PRKCQ: variants seen among roughly 807,000 people sequenced by gnomAD.
The protein encoded by PRKCQ is protein kinase C theta.
Under a neutral mutation model 91.2 loss-of-function variants are expected in PRKCQ, and 41 were observed. That is an observed-to-expected ratio of 0.45 (90% CI 0.35 to 0.58). The LOEUF (loss-of-function observed/expected upper bound fraction) is 0.58, where lower values mean the gene tolerates loss of function less well. Among genes scored for constraint, PRKCQ ranks in the 20% least tolerant of loss-of-function variants. The pLI is 0.00. For synonymous variants in PRKCQ, 307 were observed against 316.9 expected (o/e 0.97, Z 0.33); for missense variants, 673 against 896.5 (o/e 0.75, Z 3.18).
At chr10:6,460,580 C>T (rs1835267310) in intron 14 of PRKCQ, among the ~76,000 whole-genome samples, 1 of 152,060 alleles carries the variant, frequency 6.6e-6, no homozygotes, top group Non-Finnish European at 1.5e-5. Context: ...CAACCTCCGC[C>T]TAACAGGTTC....
At chr10:6,466,957 C>T (rs1835685995) in intron 12 of PRKCQ, among the ~76,000 whole-genome samples, 1 of 152,132 alleles carries the variant, frequency 6.6e-6, no homozygotes, top group African/African-American at 2.4e-5. Context: ...CTTAACCTCT[C>T]CTGAGCTTCA....
chr10:6,553,676 C>T (rs1840297064), intron 1 of PRKCQ, among the ~76,000 whole-genome samples: 1 of 151,938 alleles, frequency 6.6e-6, no homozygotes, highest in African/African-American at 2.4e-5. Flanking sequence ...GTAGATACCT[C>T]CTTGGGAACA....
chr10:6,543,313 G>A (rs1480952655), intron 1 of PRKCQ, among the ~76,000 whole-genome samples: 2 of 152,238 alleles, frequency 1.3e-5, no homozygotes, highest in African/African-American at 4.8e-5. Flanking sequence ...TGGCGGAGCA[G>A]CACAGGCTTC....
In PRKCQ at chr10:6,576,496, A is replaced by G. The variant is rs1841242032; in HGVS notation, c.-10+3715T>C. 1.3e-5 allele frequency among the ~76,000 whole-genome samples: 2 copies of G among 152,224 alleles called. No individual in the cohort carries two copies. The highest frequency in any genetic ancestry group is 4.1e-4 in the South Asian group (2 of 4,828). ...CTTCTGTGAGGTCCCTAGAGCAGTC[A>G]GAATCTTAGAGACAGGAAGTAGAAG... On this transcript the variant is annotated intron_variant, in intron 1 of 17. Transcript: ENST00000263125. This position sits in a 1 kb window ranked among gnomAD's most constrained non-coding sequence, Gnocchi z 4.2.
chr10:6,419,475 C>T, the PRKCQ span, among the ~76,000 whole-genome samples: 1 of 152,134 alleles, frequency 6.6e-6, no homozygotes, highest in South Asian at 2.1e-4. Flanking sequence ...CTCCATGCTC[C>T]CCCATTCTCT....
the PRKCQ span, among the ~76,000 whole-genome samples, chr10:6,413,110 G>A: frequency 1.3e-5 from 2 of 151,920 alleles, no homozygotes; most frequent in African/African-American, 2.4e-5. Flanking sequence ...CCGCCACCAC[G>A]CCCGGCTAAT....
chr10:6,511,547 G>C (rs138250446), intron 2 of PRKCQ, among the ~76,000 whole-genome samples: 89 of 152,310 alleles, frequency 5.8e-4, no homozygotes, highest in African/African-American at 2.0e-3. Context: ...AAGGAAGAAG[G>C]CTTTAGTTGG....
At chr10:6,523,812 G>A (rs908735083) in intron 1 of PRKCQ, among the ~76,000 whole-genome samples, 2 of 152,334 alleles carry the variant, frequency 1.3e-5, no homozygotes, top group African/African-American at 4.8e-5. Context: ...CTGTCCCAGT[G>A]TTTGTTGAGT....
chr10:6,440,622 A>G (rs944053363), intron 16 of PRKCQ, among the ~76,000 whole-genome samples: 12 of 152,230 alleles, frequency 7.9e-5, no homozygotes, highest in African/African-American at 2.7e-4. Context: ...TGTCTCCTCC[A>G]GTAGTGAGCA....
intron 1 of PRKCQ, among the ~76,000 whole-genome samples, chr10:6,516,477 G>T (rs1241659832): frequency 6.6e-6 from 1 of 152,138 alleles, no homozygotes. Context: ...GGCGCCCTTT[G>T]CCCTGTGAGT....
At chr10:6,410,079 T>TG in the PRKCQ span, among the ~76,000 whole-genome samples, 2 of 152,112 alleles carry the variant, frequency 1.3e-5, no homozygotes, top group Non-Finnish European at 2.9e-5. Flanking sequence ...GGCTACTCAC[T>TG]GCTCAACGAA....
chr10:6,497,291 T>C lies in PRKCQ; in HGVS notation c.543-40A>G. 1 of 1,612,138 alleles carries C rather than the reference T, an allele frequency of 6.2e-7. No homozygotes were observed. The highest frequency in any genetic ancestry group is 1.1e-5 in the South Asian group (1 of 91,018). On this transcript the variant is annotated intron_variant, in intron 5 of 17. Coordinates refer to ENST00000263125, the MANE Select transcript of PRKCQ (RefSeq NM_006257.5). This position sits in a 1 kb window ranked among gnomAD's most constrained non-coding sequence, Gnocchi z 4.5. ...ACGCTGATTTATTTCAATGTTGGCA[T>C]CAACATCAGCACCAACAGCATTTAA...
At chr10:6,426,346 C>G (rs531146674), downstream of PRKCQ, among the ~76,000 whole-genome samples, 18 of 152,198 alleles carry the variant, frequency 1.2e-4, no homozygotes, top group Non-Finnish European at 2.4e-4. Flanking sequence ...GAGCAGAGAT[C>G]AGAACAGAAC....
chr10:6,418,881 ATT>A, the PRKCQ span, among the ~76,000 whole-genome samples: 1 of 142,740 alleles, frequency 7.0e-6, no homozygotes, highest in African/African-American at 2.5e-5. Flanking sequence ...TCTCCATATT[ATT>A]TGTTTATCCA....
In PRKCQ at chr10:6,507,423, A is replaced by G; in HGVS notation, c.379+13T>C. ...CTCCTCACCCCCAAACAGGAAGAAG[A>G]AATGTCACTTGCCACTCATTTCCAG... On this transcript the variant is annotated intron_variant, in intron 4 of 17. Transcript: ENST00000263125. 6.2e-7 allele frequency: 1 copy of G among 1,611,836 alleles called. No individual in the cohort carries two copies. Among genetic ancestry groups the G allele is most frequent in the Non-Finnish European group, 8.5e-7 (1 of 1,177,990 alleles).
intron 11 of PRKCQ, among the ~76,000 whole-genome samples, chr10:6,481,990 C>T (rs140356573): frequency 2.4e-4 from 36 of 149,248 alleles, no homozygotes; most frequent in Non-Finnish European, 4.2e-4. Flanking sequence ...CTTCTTCTCA[C>T]CTCCCCTTTT....
intron 16 of PRKCQ, among the ~76,000 whole-genome samples, chr10:6,439,745 A>G (rs1336279109): frequency 6.6e-6 from 1 of 152,216 alleles, no homozygotes; most frequent in Non-Finnish European, 1.5e-5. Flanking sequence ...CATATAACAT[A>G]TAACACATGT....
rs76851274 is a variant in PRKCQ, at chr10:6,467,443, G to A, written c.1354-3039C>T. 6.7e-3 allele frequency among the ~76,000 whole-genome samples: 936 copies of A among 139,228 alleles called. 18 individuals are homozygous for A. Among genetic ancestry groups the A allele is most frequent in the African/African-American group, 0.022 (835 of 37,200 alleles). The allele number at this position is 139,228 out of a possible 152,430, so 91.3% of individuals were successfully genotyped here. On this transcript the variant is annotated intron_variant, in intron 12 of 17. Coordinates refer to ENST00000263125, the MANE Select transcript of PRKCQ (RefSeq NM_006257.5). ...AGAGAGAGAGAGAGATGGTGGGGAG[G>A]GAGGGAGGGAGAGAATGTGGCCTGT...
At chr10:6,561,845 T>C (rs770385194) in intron 1 of PRKCQ, among the ~76,000 whole-genome samples, 1 of 152,200 alleles carries the variant, frequency 6.6e-6, no homozygotes, top group Non-Finnish European at 1.5e-5. Flanking sequence ...ACTTGCTGTT[T>C]TTAATGTGTT....
Sources: allele counts gnomAD v4.1 joint callset (sites outside exome capture counted in the v4.1 genomes callset), GRCh38; gene constraint gnomAD v4.1.1; non-coding constraint Gnocchi (gnomAD v3.1); transcripts MANE v1.5; gene names NCBI Gene and HGNC (gene_info 2026-07-23, HGNC 2026-07-21).